The following DENND4C variants were observed in gnomAD, a reference collection of about 807,000 sequenced individuals.
The protein encoded by DENND4C is DENN domain containing 4C, also known as DENN domain-containing protein 4C.
A neutral mutation model predicts 203.0 loss-of-function variants in DENND4C; 108 were observed. The observed-to-expected ratio is 0.53, with a 90% CI of 0.46 to 0.62. The LOEUF (loss-of-function observed/expected upper bound fraction) is 0.62, where lower values mean the gene tolerates loss of function less well. Ranked by LOEUF, DENND4C falls within the 20% of genes least tolerant of loss-of-function variation. DENND4C has a pLI of 0.00. For synonymous variants in DENND4C, 871 were observed against 792.4 expected (o/e 1.10, Z -1.67); for missense variants, 2,481 against 2,301.2 (o/e 1.08, Z -1.60).
chr9:19,311,049 A>G (rs139315245), intron 10 of DENND4C, among the ~76,000 whole-genome samples: 1 of 152,296 alleles, frequency 6.6e-6, no homozygotes, highest in Non-Finnish European at 1.5e-5. Context: ...TAGACTTTAA[A>G]TATTCTTTAT....
At chr9:19,231,943 T>A (rs1261336293) in intron 1 of DENND4C, among the ~76,000 whole-genome samples, 1 of 152,156 alleles carries the variant, frequency 6.6e-6, no homozygotes, top group African/African-American at 2.4e-5. Flanking sequence ...AGGCGCTAAG[T>A]TCTGGATAAA....
At chr9:19,356,821 G>A in intron 26 of DENND4C, 151 bp from the exon 27 acceptor site, 1 of 669,114 alleles carries the variant, frequency 1.5e-6, no homozygotes, top group Non-Finnish European at 2.5e-6. Context: ...GAGAGAGTGA[G>A]AGTGTATTGG....
At chr9:19,326,980 G>T (rs1817969190) in intron 15 of DENND4C, among the ~76,000 whole-genome samples, 1 of 151,526 alleles carries the variant, frequency 6.6e-6, no homozygotes, top group African/African-American at 2.4e-5. Context: ...TTCTTAGGCT[G>T]CATTTCTAAA....
At chr9:19,369,558 G>A (rs1192896696) in intron 30 of DENND4C, among the ~76,000 whole-genome samples, 1 of 151,998 alleles carries the variant, frequency 6.6e-6, no homozygotes, top group Non-Finnish European at 1.5e-5. Flanking sequence ...CTTGAGCCCA[G>A]GAGTTTGAGA....
chr9:19,235,481 G>C (rs1821703655), intron 1 of DENND4C, among the ~76,000 whole-genome samples: 1 of 152,000 alleles, frequency 6.6e-6, no homozygotes, highest in African/African-American at 2.4e-5. Flanking sequence ...AAGAAGTAAT[G>C]TAATTCTTAT....
At chr9:19,360,637 A>T in intron 29 of DENND4C, 148 bp downstream of exon 29, 1 of 1,065,172 alleles carries the variant, frequency 9.4e-7, no homozygotes, top group South Asian at 1.5e-5. Flanking sequence ...CTGGAATGGT[A>T]AAGTGTTAGG....
At position 19,346,233 on chromosome 9, in the gene DENND4C, A is replaced by T; in HGVS notation, c.3464A>T (p.His1155Leu). The T allele has an allele frequency of 1.2e-6, 2 of 1,614,180 alleles. No homozygotes were observed. Among genetic ancestry groups the T allele is most frequent in the Non-Finnish European group, 1.7e-6 (2 of 1,180,000 alleles). The change falls in exon 23 of 33, where the codon CAC (histidine) becomes CTC (leucine). Residue 1155 changes from histidine to leucine, a missense_variant. Coordinates refer to ENST00000434457, the MANE Select transcript of DENND4C (RefSeq NM_001330640.2). Reference sequence around the variant, plus strand: ...CATAGCTTTGAGAATGTTAGCTGTCACCTACCTGATAGTAGGACTTGTATG... The same window carrying T: ...CATAGCTTTGAGAATGTTAGCTGTCTCCTACCTGATAGTAGGACTTGTATG... ...RTHSFENVSC[H>L]LPDSRTCMSE...
chr9:19,234,422 G>C (rs967138508), intron 1 of DENND4C, among the ~76,000 whole-genome samples: 27 of 151,556 alleles, frequency 1.8e-4, no homozygotes, highest in African/African-American at 6.1e-4. Flanking sequence ...AGTAGAAATG[G>C]GGTTTCACCG....
chr9:19,325,969 G>C lies in DENND4C; in HGVS notation c.1984G>C (p.Asp662His). 2 of 1,609,264 alleles carry C rather than the reference G, an allele frequency of 1.2e-6. No individual in the cohort carries two copies. Among genetic ancestry groups the C allele is most frequent in the Admixed American group, 1.7e-5 (1 of 59,084 alleles). The change falls in exon 14 of 33, where the codon GAT becomes CAT. Residue 662 changes from aspartate (D) to histidine (H), a missense_variant. Asp to His is a moderately conservative substitution (Grantham distance 81). Transcript: ENST00000434457. ...LFPDKGTEKT[D>H]KVDFDSAEDT... ...TCCTGATAAAGGCACAGAGAAAACAGATAAGGTATGTTTTTCTTAGATTTT... is the reference window on the plus strand; with the variant it reads ...TCCTGATAAAGGCACAGAGAAAACACATAAGGTATGTTTTTCTTAGATTTT...
At chr9:19,327,647 T>A (rs989874911) in intron 15 of DENND4C, among the ~76,000 whole-genome samples, 1 of 152,018 alleles carries the variant, frequency 6.6e-6, no homozygotes, top group Non-Finnish European at 1.5e-5. Flanking sequence ...GGATTTTTTT[T>A]ATTTTAAATA....
intron 26 of DENND4C, among the ~76,000 whole-genome samples, 184 bp downstream of exon 26, chr9:19,352,849 T>A (rs955112061): frequency 6.6e-6 from 1 of 152,162 alleles, no homozygotes; most frequent in African/African-American, 2.4e-5. Context: ...AAAGTAAGAT[T>A]ATCAGCCGGG....
intron 1 of DENND4C, among the ~76,000 whole-genome samples, chr9:19,244,784 C>T (rs377093596): frequency 1.4e-3 from 218 of 151,820 alleles, no homozygotes; most frequent in African/African-American, 5.1e-3. Context: ...ATAATATACA[C>T]CTTTAACTTT....
chr9:19,279,243 C>G (rs111863450), intron 2 of DENND4C, among the ~76,000 whole-genome samples: 4,669 of 86,358 alleles, frequency 0.054, 1,090 homozygotes, highest in African/African-American at 0.19. Context: ...GCAGGAGAAT[C>G]ACTTGAACCC....
At chr9:19,327,605 A>G (rs1818093725) in intron 15 of DENND4C, among the ~76,000 whole-genome samples, 1 of 152,076 alleles carries the variant, frequency 6.6e-6, no homozygotes, top group South Asian at 2.1e-4. Context: ...AACTGCTTAA[A>G]TTGTGGTACA....
chr9:19,369,396 T>C (rs1828320215), intron 30 of DENND4C, among the ~76,000 whole-genome samples: 1 of 152,140 alleles, frequency 6.6e-6, no homozygotes, highest in Non-Finnish European at 1.5e-5. Flanking sequence ...TTGGGCACAC[T>C]GCCACATAAT....
chr9:19,232,306 C>G (rs539085859), intron 1 of DENND4C, among the ~76,000 whole-genome samples: 82 of 151,976 alleles, frequency 5.4e-4, no homozygotes, highest in African/African-American at 2.0e-3. Flanking sequence ...GCCACTCAAT[C>G]CACACTTTCC....
At chr9:19,331,265 C>T (rs1050746124) in intron 16 of DENND4C, among the ~76,000 whole-genome samples, 10 of 150,124 alleles carry the variant, frequency 6.7e-5, no homozygotes, top group African/African-American at 2.2e-4. Context: ...TGCAGTGGCA[C>T]AATCTCAGCT....
rs1824412006 is a variant in DENND4C at position 19,352,623 on chromosome 9, C to G, written c.4739C>G (p.Pro1580Arg). The change falls in exon 26 of 33, where the codon CCT (proline) becomes CGT (arginine). Residue 1580 changes from proline (P) to arginine (R), a missense_variant. Coordinates refer to ENST00000434457, the MANE Select transcript of DENND4C (RefSeq NM_001330640.2). ...CCATTCTGTAAAAGCAACTTCTTGC[C>G]TCTTCTCAATATAGAATTCAAAGAT... ...ACPFCKSNFLPLLNIEFKDLR... is the reference protein window; with the variant it reads ...ACPFCKSNFLRLLNIEFKDLR... 6.2e-7 allele frequency: 1 copy of G among 1,612,764 alleles called. No individual in the cohort carries two copies. The highest frequency in any genetic ancestry group is 8.5e-7 in the Non-Finnish European group (1 of 1,179,312).
chr9:19,246,031 A>G lies in DENND4C; in HGVS notation c.-18+15198A>G, dbSNP rs147083928. Among the ~76,000 whole-genome samples, 390 of 151,924 alleles carry G rather than the reference A, an allele frequency of 2.6e-3. 1 individual carries two copies. The highest frequency in any genetic ancestry group is 9.3e-3 in the African/African-American group (383 of 41,252). On this transcript the variant is annotated intron_variant, in intron 1 of 32. Coordinates refer to ENST00000434457, the MANE Select transcript of DENND4C (RefSeq NM_001330640.2). ...CATCAAGACCTCCAGGCCAGTAGCTACGCCATTTTTTCACTGTCCATCATT... is the reference window on the plus strand; with the variant it reads ...CATCAAGACCTCCAGGCCAGTAGCTGCGCCATTTTTTCACTGTCCATCATT...
Sources: gnomAD v4.1 joint callset for allele counts (sites outside exome capture counted in the v4.1 genomes callset) on GRCh38, gnomAD v4.1.1 for gene constraint, MANE v1.5 for transcripts, NCBI Gene and HGNC (gene_info 2026-07-23, HGNC 2026-07-21) for gene names.